Variants in CLASP2 observed in about 807,000 individuals in gnomAD.
CLASP2 encodes the protein CLIP-associating protein 2.
CLASP2 carries 47 observed loss-of-function variants against 194.4 expected under a neutral mutation model. The observed-to-expected ratio is 0.24, with a 90% CI of 0.19 to 0.31. The LOEUF (loss-of-function observed/expected upper bound fraction) is 0.31, where lower values mean the gene tolerates loss of function less well. CLASP2 is among the 10% of genes least tolerant of loss of function. The probability of loss-of-function intolerance (pLI) is 1.00; values close to 1 mark genes in which losing one functional copy is unlikely to be tolerated. For missense variants in CLASP2, 1,445 were observed against 1,823.6 expected (o/e 0.79, Z 3.78); for synonymous variants, 619 against 633.5 (o/e 0.98, Z 0.34).
intron 4 of CLASP2, among the ~76,000 whole-genome samples, chr3:33,687,499 AT>A (rs2090830476): frequency 6.6e-6 from 1 of 152,200 alleles, no homozygotes; most frequent in African/African-American, 2.4e-5. Context: ...CTGGTCTCAA[AT>A]AAATGCATTC....
intron 12 of CLASP2, among the ~76,000 whole-genome samples, chr3:33,616,736 T>C (rs1365794414): frequency 6.4e-4 from 75 of 117,466 alleles, no homozygotes; most frequent in African/African-American, 2.3e-3. Flanking sequence ...TATACTTCCT[T>C]TTTTTTTTTT....
chr3:33,551,318 T>G lies in CLASP2; in HGVS notation c.3087A>C (p.Glu1029Asp). The change falls in exon 30 of 39, where the codon GAA becomes GAC. Residue 1029 changes from glutamate (E) to aspartate (D), a missense_variant. Coordinates refer to ENST00000682230, the MANE Select transcript of CLASP2 (RefSeq NM_001365631.1). ...TGACCCGAGACACTGCTAGGCGAGT[T>G]TCACTGGAATTTATAAAATCTCCTG... ...MDPGDFINSS[E>D]TRLAVSRVIT... 1 of 1,613,840 alleles carries G rather than the reference T, an allele frequency of 6.2e-7. No individual in the cohort carries two copies.
chr3:33,571,151 G>A (rs796099469), intron 25 of CLASP2, among the ~76,000 whole-genome samples: 7 of 150,526 alleles, frequency 4.7e-5, no homozygotes, highest in African/African-American at 1.7e-4. Context: ...GTAGCTGGGA[G>A]TACAGGCGCC....
intron 8 of CLASP2, 116 bp from the exon 9 acceptor site, chr3:33,632,487 A>G: frequency 1.4e-6 from 1 of 700,522 alleles, no homozygotes. Flanking sequence ...TTTAAGGGAT[A>G]TTCCATTTTA....
intron 7 of CLASP2, among the ~76,000 whole-genome samples, chr3:33,654,489 CAG>C (rs1015570968): frequency 7.2e-5 from 11 of 151,958 alleles, no homozygotes; most frequent in African/African-American, 2.7e-4. Context: ...ACATAAAAGA[CAG>C]AGGATCAACC....
In CLASP2 at chr3:33,516,102, T is replaced by C. The variant is rs746905410; in HGVS notation, c.4031A>G (p.His1344Arg). Residue 1344 changes from histidine (H) to arginine (R), a missense_variant, in exon 36 of 39, where the codon CAT becomes CGT. Transcript: ENST00000682230. ...ATAGTTTTTAAATCTTGCTGGTTGA[T>C]GCCTTAGGATTTCTCTTAAAACCTT... ...ALKVLREILR[H>R]QPARFKNYAE... is the part of the protein sequence containing the mutation. The C allele has an allele frequency of 3.1e-6, 5 of 1,610,014 alleles. No homozygotes were observed. Among genetic ancestry groups the C allele is most frequent in the South Asian group, 1.1e-5 (1 of 90,430 alleles).
intron 23 of CLASP2, among the ~76,000 whole-genome samples, chr3:33,579,189 A>G (rs1209733388): frequency 2.0e-5 from 3 of 152,238 alleles, no homozygotes; most frequent in Non-Finnish European, 4.4e-5. Context: ...TAAAAGGTTT[A>G]GTCATCTTCA....
intron 8 of CLASP2, among the ~76,000 whole-genome samples, chr3:33,638,615 T>C (rs1419961055): frequency 6.6e-6 from 1 of 152,186 alleles, no homozygotes; most frequent in Non-Finnish European, 1.5e-5. Context: ...CTCAATTCTT[T>C]TCATTAGTAA....
intron 6 of CLASP2, among the ~76,000 whole-genome samples, chr3:33,677,705 TAATAAAA>T (rs1470390654): frequency 4.8e-5 from 7 of 144,790 alleles, no homozygotes; most frequent in South Asian, 2.2e-4. Context: ...AGTATAATAA[TAATAAAA>T]AATAAAAAAT....
intron 18 of CLASP2, among the ~76,000 whole-genome samples, chr3:33,601,116 G>A (rs1345352555): frequency 2.0e-5 from 3 of 151,824 alleles, no homozygotes; most frequent in Admixed American, 6.6e-5. Flanking sequence ...TCGCCACCAC[G>A]CCCGGCTAGT....
intron 18 of CLASP2, 185 bp downstream of exon 18, chr3:33,602,767 A>C: frequency 1.4e-6 from 1 of 699,628 alleles, no homozygotes; most frequent in Non-Finnish European, 2.5e-6. Context: ...GATGAGAACA[A>C]GGGAAAAGGA....
At chr3:33,590,245 C>T (rs868205941) in intron 21 of CLASP2, among the ~76,000 whole-genome samples, 6 of 152,154 alleles carry the variant, frequency 3.9e-5, no homozygotes, top group African/African-American at 1.4e-4. Context: ...CTTCATTTTA[C>T]AGATGAAATT....
chr3:33,622,114 T>C (rs772566771), intron 11 of CLASP2, 21 bp downstream of exon 11: 22 of 1,476,356 alleles, frequency 1.5e-5, no homozygotes, highest in Admixed American at 2.3e-5. Flanking sequence ...AAAACACTTA[T>C]CATAAAAGGA....
At chr3:33,687,651 A>T (rs2090853621) in intron 4 of CLASP2, among the ~76,000 whole-genome samples, 1 of 152,240 alleles carries the variant, frequency 6.6e-6, no homozygotes, top group African/African-American at 2.4e-5. Context: ...AAATAAGTGA[A>T]AATATAGTTA....
intron 7 of CLASP2, chr3:33,645,481 C>T: frequency 1.6e-6 from 1 of 610,020 alleles, no homozygotes; most frequent in Non-Finnish European, 2.9e-6. Context: ...TCTTCCCTGC[C>T]CTAGGTGCTG....
At chr3:33,535,611 T>C in intron 33 of CLASP2, 150 bp from the exon 34 acceptor site, 1 of 634,924 alleles carries the variant, frequency 1.6e-6, no homozygotes. Context: ...GCAATCAACA[T>C]TATGAGTTAC....
chr3:33,618,007 G>A (rs912194246), intron 12 of CLASP2, among the ~76,000 whole-genome samples: 1 of 148,802 alleles, frequency 6.7e-6, no homozygotes, highest in African/African-American at 2.5e-5. Context: ...GGAGTGCAAC[G>A]GTGCAATCTC....
intron 7 of CLASP2, among the ~76,000 whole-genome samples, chr3:33,663,214 A>C (rs937609561): frequency 3.3e-5 from 5 of 151,630 alleles, no homozygotes; most frequent in African/African-American, 1.2e-4. Flanking sequence ...AAAAAAAAAA[A>C]AAAGAACAGT....
chr3:33,635,060 T>G (rs1466477915), intron 8 of CLASP2, among the ~76,000 whole-genome samples: 1 of 151,736 alleles, frequency 6.6e-6, no homozygotes, highest in Non-Finnish European at 1.5e-5. Context: ...GGGACCAGCC[T>G]GGGCAATATG....
Sources: gnomAD v4.1 joint callset for allele counts (sites outside exome capture counted in the v4.1 genomes callset) on GRCh38, gnomAD v4.1.1 for gene constraint, MANE v1.5 for transcripts, NCBI Gene and HGNC (gene_info 2026-07-23, HGNC 2026-07-21) for gene names.